Variants in DCAF4 observed in about 807,000 individuals in gnomAD.
DCAF4 encodes the protein DDB1- and CUL4-associated factor 4.
In DCAF4, 37 loss-of-function variants were observed where a neutral mutation model predicts 60.9. That is an observed-to-expected ratio of 0.61 (90% CI 0.47 to 0.80). The LOEUF (loss-of-function observed/expected upper bound fraction) is 0.80, where lower values mean the gene tolerates loss of function less well. DCAF4 is among the 30% of genes least tolerant of loss of function. The pLI is 0.00. For synonymous variants in DCAF4, 243 were observed against 254.8 expected (o/e 0.95, Z 0.44); for missense variants, 577 against 650.0 (o/e 0.89, Z 1.22).
intron 1 of DCAF4, among the ~76,000 whole-genome samples, chr14:72,934,446 A>T (rs1262989001): frequency 1.3e-5 from 2 of 150,522 alleles, no homozygotes; most frequent in African/African-American, 4.9e-5. Flanking sequence ...GAGCCACTGC[A>T]CCCGGCCTAA....
In DCAF4 at chr14:72,945,892, C is replaced by G; in HGVS notation, c.543C>G (p.Thr181=). The change falls in exon 7 of 14, where the codon ACC becomes ACG. Residue 181 remains threonine, a synonymous_variant. Coordinates refer to ENST00000358377, the MANE Select transcript of DCAF4 (RefSeq NM_015604.4). ...SDRFNLILAD[T]NSDRLFTVND... is the part of the protein sequence containing the mutation. ...CCCCTTCCCTTCTCCAGGCAGATAC[C>G]AACAGTGACCGGCTCTTCACAGTGA... is the stretch of plus-strand genomic sequence containing the variant. 6.2e-7 allele frequency: 1 copy of G among 1,614,182 alleles called. No individual in the cohort carries two copies. The highest frequency in any genetic ancestry group is 1.1e-5 in the South Asian group (1 of 91,088).
At chr14:72,931,093 C>T (rs189463111) in intron 1 of DCAF4, among the ~76,000 whole-genome samples, 1 of 152,106 alleles carries the variant, frequency 6.6e-6, no homozygotes, top group Non-Finnish European at 1.5e-5. Context: ...TATTCTGGGT[C>T]CCTTGCATAA....
In DCAF4 at chr14:72,955,624, T is replaced by C; in HGVS notation, c.1107T>C (p.His369=). 1 of 1,614,206 alleles carries C rather than the reference T, an allele frequency of 6.2e-7. No individual in the cohort carries two copies. Among genetic ancestry groups the C allele is most frequent in the Non-Finnish European group, 8.5e-7 (1 of 1,180,016 alleles). The change falls in exon 12 of 14, where the codon CAT becomes CAC. Residue 369 remains histidine, a synonymous_variant. Transcript: ENST00000358377. The part of the protein sequence containing the change: ...GKGWKATRLF[H]DSAVTSVRIL... ...GATGGAAGGCCACCCGCCTGTTTCA[T>C]GATTCAGCAGTGACCTCTGTGCGGA...
At chr14:72,954,057 T>C in intron 9 of DCAF4, 107 bp from the exon 10 acceptor site, 1 of 1,191,474 alleles carries the variant, frequency 8.4e-7, no homozygotes, top group South Asian at 1.3e-5. Context: ...GCCAAAGGTA[T>C]AGACCCTCTG....
intron 1 of DCAF4, among the ~76,000 whole-genome samples, chr14:72,927,333 C>T (rs374994547): frequency 7.5e-4 from 104 of 138,824 alleles, no homozygotes; most frequent in African/African-American, 2.5e-3. Flanking sequence ...ATTAGAGTCG[C>T]GGTGGTGTTC....
chr14:72,940,416 C>T (rs763642317), intron 4 of DCAF4, 39 bp downstream of exon 4: 23 of 1,566,042 alleles, frequency 1.5e-5, no homozygotes, highest in Non-Finnish European at 2.0e-5. Flanking sequence ...CCTCTCCGCT[C>T]CTGCCAGCAC....
intron 1 of DCAF4, among the ~76,000 whole-genome samples, chr14:72,936,415 T>G (rs1402280813): frequency 6.6e-6 from 1 of 151,900 alleles, no homozygotes; most frequent in African/African-American, 2.4e-5. Context: ...AATACAAAAA[T>G]TAGCTGGGTG....
rs1890600409 is a variant in DCAF4 at position 72,945,419 on chromosome 14, A to G, written c.535-465A>G. 2.0e-5 allele frequency among the ~76,000 whole-genome samples: 3 copies of G among 151,912 alleles called. No homozygotes were observed. In the South Asian group the frequency reaches 6.2e-4, roughly 32 times the overall value. ...TTAAAAAAAAATAGCCTACATTTGA[A>G]TGCAGTCTTTTTCTATTGCACGTTT... On this transcript the variant is annotated intron_variant, in intron 6 of 13. Coordinates refer to ENST00000358377, the MANE Select transcript of DCAF4 (RefSeq NM_015604.4).
intron 13 of DCAF4, 62 bp from the exon 14 acceptor site, chr14:72,958,550 T>C: frequency 2.5e-6 from 4 of 1,591,454 alleles, no homozygotes; most frequent in Admixed American, 3.4e-5. Context: ...CATGTCCACA[T>C]GTAGGTAAGT....
At chr14:72,947,294 C>A in intron 8 of DCAF4, 103 bp downstream of exon 8, 1 of 1,329,502 alleles carries the variant, frequency 7.5e-7, no homozygotes, top group South Asian at 1.2e-5. Flanking sequence ...GACCAGAGGA[C>A]TAGACCCTTG....
chr14:72,948,293 T>C (rs1016038920), intron 8 of DCAF4, among the ~76,000 whole-genome samples: 10 of 152,146 alleles, frequency 6.6e-5, no homozygotes, highest in Admixed American at 2.6e-4. Context: ...GCTCAAGTGA[T>C]CCTCCTGCCT....
rs141315052 is a variant in DCAF4 at position 72,955,614 on chromosome 14, G to A, written c.1097G>A (p.Arg366His). 3.5e-5 allele frequency: 56 copies of A among 1,614,022 alleles called. No homozygotes were observed. The highest frequency in any genetic ancestry group is 4.5e-5 in the East Asian group (2 of 44,890). The change falls in exon 12 of 14, where the codon CGC becomes CAC. Residue 366 changes from arginine to histidine, a missense_variant. Physicochemically the swap from Arg to His is conservative, Grantham distance 29. Transcript: ENST00000358377. Reference protein sequence around the residue: ...GNQGKGWKATRLFHDSAVTSV... With the variant: ...GNQGKGWKATHLFHDSAVTSV... ...CAAGGCAAGGGATGGAAGGCCACCC[G>A]CCTGTTTCATGATTCAGCAGTGACC...
intron 9 of DCAF4, 36 bp downstream of exon 9, chr14:72,951,913 CTG>C: frequency 6.2e-7 from 1 of 1,609,900 alleles, no homozygotes; most frequent in Non-Finnish European, 8.5e-7. Flanking sequence ...AATCTGTCCT[CTG>C]TCTCCCGAGA....
rs997726035 is a variant in DCAF4 at position 72,959,528 on chromosome 14, G to A, written c.*723G>A. On this transcript the variant is annotated 3_prime_UTR_variant, in exon 14 of 14. Transcript: ENST00000358377. ...GGTGACTTGAATGTCAGATTCAAGG[G>A]CCCGGCGTCAAAGGAAATTGGTTTT... 89 of 985,446 alleles carry A rather than the reference G, an allele frequency of 9.0e-5. No individual in the cohort carries two copies. Among genetic ancestry groups the A allele is most frequent in the Non-Finnish European group, 1.0e-4 (86 of 829,948 alleles). The allele number at this position is 985,446 out of a possible 1,614,324, so 61.0% of individuals were successfully genotyped here.
chr14:72,961,847 C>A (rs1285078566), downstream of DCAF4: 3 of 1,073,844 alleles, frequency 2.8e-6, no homozygotes, highest in African/African-American at 1.7e-5. Context: ...TCCTTGCCCC[C>A]AAGGGCATCC....
At position 72,950,622 on chromosome 14, in the gene DCAF4, G is replaced by A. The variant is rs185189633; in HGVS notation, c.729-1176G>A. Among the ~76,000 whole-genome samples, 33 of 152,248 alleles carry A rather than the reference G, an allele frequency of 2.2e-4. No homozygotes were observed. In the East Asian group the frequency reaches 4.1e-3, roughly 19 times the overall value. Reference sequence around the variant, plus strand: ...GCGTCAGTCAAAAGACACACACGTAGGCAAGGGTATAAAGGGGCAGGTCAG... The same window carrying A: ...GCGTCAGTCAAAAGACACACACGTAAGCAAGGGTATAAAGGGGCAGGTCAG... On this transcript the variant is annotated intron_variant, in intron 8 of 13. Transcript: ENST00000358377.
chr14:72,936,846 G>T (rs780153726), intron 1 of DCAF4, among the ~76,000 whole-genome samples: 1 of 152,124 alleles, frequency 6.6e-6, no homozygotes, highest in Admixed American at 6.5e-5. Flanking sequence ...GCACATACAG[G>T]GTGTGTGACC....
At chr14:72,929,120 C>T (rs1348676132) in intron 1 of DCAF4, among the ~76,000 whole-genome samples, 1 of 151,752 alleles carries the variant, frequency 6.6e-6, no homozygotes, top group African/African-American at 2.4e-5. Context: ...CACCCCGCCC[C>T]CCACCCCGCC....
At chr14:72,943,210 TAGG>T in intron 6 of DCAF4, 114 bp downstream of exon 6, 1 of 891,244 alleles carries the variant, frequency 1.1e-6, no homozygotes, top group Non-Finnish European at 1.8e-6. Context: ...GCAATGAAAG[TAGG>T]TGGCATCTTC....
Sources: allele counts gnomAD v4.1 joint callset (sites outside exome capture counted in the v4.1 genomes callset), GRCh38; gene constraint gnomAD v4.1.1; transcripts MANE v1.5; gene names NCBI Gene and HGNC (gene_info 2026-07-23, HGNC 2026-07-21).